NAPG: variants seen among roughly 807,000 people sequenced by gnomAD.
The protein encoded by NAPG is NSF attachment protein gamma, also known as gamma-soluble NSF attachment protein.
In NAPG, 25 loss-of-function variants were observed where a neutral mutation model predicts 48.4. The ratio of observed to expected loss-of-function variants is 0.52; its 90% CI spans 0.38 to 0.72. The LOEUF (loss-of-function observed/expected upper bound fraction) is 0.72. NAPG is among the 30% of genes least tolerant of loss of function. NAPG has a pLI of 0.00. For synonymous variants in NAPG, 139 were observed against 127.2 expected (o/e 1.09, Z -0.62); for missense variants, 359 against 372.5 (o/e 0.96, Z 0.30).
intron 8 of NAPG, among the ~76,000 whole-genome samples, chr18:10,545,455 G>A (rs779266021): frequency 1.3e-5 from 2 of 152,190 alleles, no homozygotes; most frequent in Non-Finnish European, 2.9e-5. Flanking sequence ...TGTTGGTTGT[G>A]TGTATTCCCA....
intron 3 of NAPG, 170 bp downstream of exon 3, chr18:10,532,965 T>C: frequency 1.7e-6 from 1 of 605,282 alleles, no homozygotes; most frequent in Non-Finnish European, 2.9e-6. Flanking sequence ...TATAATGAAG[T>C]TTGATTATAA....
rs368123617 is a variant in NAPG at position 10,549,109 on chromosome 18, A to G, written c.795+13A>G. The G allele has an allele frequency of 2.3e-5, 37 of 1,604,486 alleles. No homozygotes were observed. Among genetic ancestry groups the G allele is most frequent in the Non-Finnish European group, 3.2e-5 (37 of 1,173,608 alleles). On this transcript the variant is annotated intron_variant, in intron 11 of 11. Transcript: ENST00000322897. Reference sequence around the variant, plus strand: ...CATGGACAATGATGTAAGTGGACCCATTTGCATAGCTTTCATCTTTTCTCT... The same window carrying G: ...CATGGACAATGATGTAAGTGGACCCGTTTGCATAGCTTTCATCTTTTCTCT...
At position 10,537,709 on chromosome 18, in the gene NAPG, C is replaced by T. The variant is rs573355599; in HGVS notation, c.259-2053C>T. 4.6e-5 allele frequency among the ~76,000 whole-genome samples: 7 copies of T among 152,180 alleles called. No individual in the cohort carries two copies. In the East Asian group the frequency reaches 1.2e-3, roughly 25 times the overall value. ...TATTTTTCAGCAGATATTGTAGACTCGGATTCTTTCATTGACTTTTGGTTT... is the reference window on the plus strand; with the variant it reads ...TATTTTTCAGCAGATATTGTAGACTTGGATTCTTTCATTGACTTTTGGTTT... On this transcript the variant is annotated intron_variant, in intron 5 of 11. Coordinates refer to ENST00000322897, the MANE Select transcript of NAPG (RefSeq NM_003826.3).
chr18:10,527,187 C>CAAAAAAAA (rs775618160), intron 1 of NAPG, among the ~76,000 whole-genome samples: 1 of 105,522 alleles, frequency 9.5e-6, no homozygotes, highest in Non-Finnish European at 2.0e-5. Context: ...GACTCCGTCT[C>CAAAAAAAA]AAAAAAAAAA....
In NAPG at chr18:10,552,420, A is replaced by G. The variant is rs1016845384; in HGVS notation, c.*2200A>G. 2.6e-5 allele frequency: 4 copies of G among 152,308 alleles called. No homozygotes were observed. The highest frequency in any genetic ancestry group is 1.9e-4 in the East Asian group (1 of 5,192). The allele number at this position is 152,308 out of a possible 1,614,324, so 9.4% of individuals were successfully genotyped here. On this transcript the variant is annotated 3_prime_UTR_variant, in exon 12 of 12. Transcript: ENST00000322897. ...TCTTTTTCCACTCACGTAAGTTTCTATCTTGAGAGCATAGTCCAAAGTGCA... is the reference window on the plus strand; with the variant it reads ...TCTTTTTCCACTCACGTAAGTTTCTGTCTTGAGAGCATAGTCCAAAGTGCA...
At chr18:10,530,695 A>C in intron 1 of NAPG, 75 bp from the exon 2 acceptor site, 2 of 840,112 alleles carry the variant, frequency 2.4e-6, no homozygotes, top group Non-Finnish European at 1.7e-6. Context: ...AAAGACCTAG[A>C]AGGTCATTAC....
rs1299146705 is a variant in NAPG, at chr18:10,526,048, G to C, written c.-55G>C. 1.9e-6 allele frequency: 3 copies of C among 1,553,026 alleles called. No individual in the cohort carries two copies. The Admixed American group carries it at 5.0e-5, about 26-fold the overall frequency. On this transcript the variant is annotated 5_prime_UTR_variant, in exon 1 of 12. Transcript: ENST00000322897. ...ACGCCTATTTGGGCGGATTCTTGGC[G>C]CCGGAGGAAGAGGCAGGGTCACCCT... is the stretch of plus-strand genomic sequence containing the variant.
rs1228395052 is a variant in NAPG at position 10,552,634 on chromosome 18, T to C, written c.*2414T>C. On this transcript the variant is annotated 3_prime_UTR_variant, in exon 12 of 12. Transcript: ENST00000322897. Reference sequence around the variant, plus strand: ...GTACATATGCAGAGTACGGTATTTCTGTATGGAATCTGCTTTATTCCTATT... The same window carrying C: ...GTACATATGCAGAGTACGGTATTTCCGTATGGAATCTGCTTTATTCCTATT... 6.6e-6 allele frequency: 1 copy of C among 152,254 alleles called. No individual in the cohort carries two copies. 9.4% of individuals were successfully genotyped at this position (152,254 alleles called of 1,614,324 possible).
At chr18:10,536,979 C>G (rs1279552426) in intron 5 of NAPG, among the ~76,000 whole-genome samples, 2 of 145,632 alleles carry the variant, frequency 1.4e-5, no homozygotes, top group African/African-American at 2.6e-5. Flanking sequence ...TTTTTTGAGA[C>G]AGGATCTTGC....
At chr18:10,538,328 TGCTGCCCA>T (rs1349073747) in intron 5 of NAPG, among the ~76,000 whole-genome samples, 1 of 152,196 alleles carries the variant, frequency 6.6e-6, no homozygotes, top group Non-Finnish European at 1.5e-5. Context: ...GGCGGGACAG[TGCTGCCCA>T]GCCCCAGCCT....
chr18:10,532,645 G>C, intron 2 of NAPG, 66 bp from the exon 3 acceptor site: 1 of 1,235,480 alleles, frequency 8.1e-7, no homozygotes, highest in Non-Finnish European at 1.1e-6. Context: ...ATAAAATGCA[G>C]ATTTCAGTAA....
intron 11 of NAPG, 127 bp from the exon 12 acceptor site, chr18:10,549,950 T>C: frequency 1.0e-6 from 1 of 990,680 alleles, no homozygotes; most frequent in Non-Finnish European, 1.4e-6. Flanking sequence ...GGGCTTTGTT[T>C]TTCCATCTGA....
chr18:10,545,171 G>A lies in NAPG; in HGVS notation c.507-1155G>A, dbSNP rs186009959. On this transcript the variant is annotated intron_variant, in intron 8 of 11. Coordinates refer to ENST00000322897, the MANE Select transcript of NAPG (RefSeq NM_003826.3). ...TATTAAAAATACAGAAATTAGCTGG[G>A]CGTGGTGGTGGGCGCCTGTAATCCC... is the stretch of plus-strand genomic sequence containing the variant. 8.6e-3 allele frequency among the ~76,000 whole-genome samples: 1,305 copies of A among 152,158 alleles called. 16 individuals carry two copies. The highest frequency in any genetic ancestry group is 0.03 in the African/African-American group (1,231 of 41,498).
intron 1 of NAPG, 88 bp downstream of exon 1, chr18:10,526,246 G>GGGGGGGGGGGGA: frequency 8.2e-6 from 4 of 490,184 alleles, no homozygotes; most frequent in Non-Finnish European, 8.3e-6. Context: ...GGGCGGGAGG[G>GGGGGGGGGGGGA]AGGGCTCAGG....
At position 10,543,048 on chromosome 18, in the gene NAPG, A is replaced by G. The variant is rs1380070234; in HGVS notation, c.506+2649A>G. On this transcript the variant is annotated intron_variant, in intron 8 of 11. Coordinates refer to ENST00000322897, the MANE Select transcript of NAPG (RefSeq NM_003826.3). The surrounding 1 kb of genome is among the most constrained non-coding windows in gnomAD (Gnocchi z 4.4). ...AAAATACAAAAAGTAGCCGGGTGTGATGACGCACACCTATAATCCCAGCTA... is the reference window on the plus strand; with the variant it reads ...AAAATACAAAAAGTAGCCGGGTGTGGTGACGCACACCTATAATCCCAGCTA... Among the ~76,000 whole-genome samples, 1 of 151,500 alleles carries G rather than the reference A, an allele frequency of 6.6e-6. No homozygotes were observed. Among genetic ancestry groups the G allele is most frequent in the African/African-American group, 2.4e-5 (1 of 41,254 alleles).
chr18:10,526,264 G>A, intron 1 of NAPG, 106 bp downstream of exon 1: 1 of 789,538 alleles, frequency 1.3e-6, no homozygotes, highest in Non-Finnish European at 2.0e-6. Context: ...AGGGCTGAGG[G>A]GCCTCGGCGC....
chr18:10,539,552 AC>A lies in NAPG; in HGVS notation c.259-208del. 1 of 518,044 alleles carries A rather than the reference AC, an allele frequency of 1.9e-6. No homozygotes were observed. Among genetic ancestry groups the A allele is most frequent in the South Asian group, 2.2e-5 (1 of 46,278 alleles). 32.1% of individuals were successfully genotyped at this position (518,044 alleles called of 1,614,324 possible). ...GGGGAGGGAGAGCACTAGGACAAAT[AC>A]CTAATGCATGCGGGGCTTAAAACCT... On this transcript the variant is annotated intron_variant, in intron 5 of 11. Transcript: ENST00000322897. This position sits in a 1 kb window ranked among gnomAD's most constrained non-coding sequence, Gnocchi z 4.7.
intron 9 of NAPG, among the ~76,000 whole-genome samples, chr18:10,547,347 A>G (rs1222417876): frequency 2.0e-5 from 3 of 152,186 alleles, no homozygotes; most frequent in Non-Finnish European, 4.4e-5. Context: ...CATCACATTC[A>G]CAGTACAATC....
intron 11 of NAPG, 124 bp downstream of exon 11, chr18:10,549,220 C>G (rs2032333710): frequency 8.7e-7 from 1 of 1,146,056 alleles, no homozygotes; most frequent in South Asian, 1.6e-5. Flanking sequence ...TCTCAAGCTA[C>G]TACTCATAAG....
Sources: allele counts gnomAD v4.1 joint callset (sites outside exome capture counted in the v4.1 genomes callset), GRCh38; gene constraint gnomAD v4.1.1; non-coding constraint Gnocchi (gnomAD v3.1); transcripts MANE v1.5; gene names NCBI Gene and HGNC (gene_info 2026-07-23, HGNC 2026-07-21).